PMEPA1: variants seen among roughly 807,000 people sequenced by gnomAD.
PMEPA1 encodes the protein prostate transmembrane protein, androgen induced 1.
A neutral mutation model predicts 23.0 loss-of-function variants in PMEPA1; 11 were observed. That is an observed-to-expected ratio of 0.48 (90% CI 0.30 to 0.79). The LOEUF (loss-of-function observed/expected upper bound fraction) is 0.79. Ranked by LOEUF, PMEPA1 falls within the 30% of genes least tolerant of loss-of-function variation. The pLI, the probability that PMEPA1 is intolerant of heterozygous loss-of-function variation, is 0.06. For missense variants in PMEPA1, 377 were observed against 390.9 expected, an observed-to-expected ratio of 0.96 and a Z score of 0.30; for synonymous variants, 204 against 166.4, an observed-to-expected ratio of 1.23 and a Z score of -1.74.
intron 1 of PMEPA1, among the ~76,000 whole-genome samples, chr20:57,667,391 C>A (rs761407256): frequency 2.6e-5 from 4 of 152,124 alleles, no homozygotes; most frequent in Admixed American, 6.5e-5. Context: ...CCCACGGGGG[C>A]ACTAGGCGGG....
At chr20:57,665,458 T>A (rs2071479199) in intron 1 of PMEPA1, among the ~76,000 whole-genome samples, 1 of 149,386 alleles carries the variant, frequency 6.7e-6, no homozygotes. Flanking sequence ...CCATTGTCTG[T>A]GTGATGCTGT....
At position 57,709,540 on chromosome 20, in the gene PMEPA1, C is replaced by T; in HGVS notation, c.43G>A (p.Ala15Thr). ...MGVNSTAAAA[A>T]GQPNVSCTCN... ...GTGCAGGAGACATTGGGCTGCCCGG[C>T]GGCGGCGGCGGCGGTGCTGTTGACC... is the stretch of plus-strand genomic sequence containing the variant. The change falls in exon 1 of 4, where the codon GCC becomes ACC. Residue 15 changes from alanine (A) to threonine (T), a missense_variant. This residue lies in a region of PMEPA1 where 198 missense variants were observed against 196.3 expected (regional missense o/e 1.01). Coordinates refer to ENST00000341744, the MANE Select transcript of PMEPA1 (RefSeq NM_020182.5). 1 of 1,096,638 alleles carries T rather than the reference C, an allele frequency of 9.1e-7. No individual in the cohort carries two copies. Among genetic ancestry groups the T allele is most frequent in the Non-Finnish European group, 1.1e-6 (1 of 882,914 alleles). 67.9% of individuals were successfully genotyped at this position (1,096,638 alleles called of 1,614,324 possible).
chr20:57,710,750 C>T, upstream of PMEPA1: 2 of 414,072 alleles, frequency 4.8e-6, no homozygotes, highest in Non-Finnish European at 8.5e-6. Context: ...GGGGTATGAG[C>T]AGGAGGGGTG....
chr20:57,661,271 G>C (rs1050580606), intron 1 of PMEPA1, among the ~76,000 whole-genome samples: 1 of 152,188 alleles, frequency 6.6e-6, no homozygotes, highest in African/African-American at 2.4e-5. Context: ...GGTCTGTGCC[G>C]AAGCGGCCTC....
At position 57,709,684 on chromosome 20, in the gene PMEPA1, C is replaced by A. The variant is rs2072142018; in HGVS notation, c.-102G>T. On this transcript the variant is annotated 5_prime_UTR_variant, in exon 1 of 4. Transcript: ENST00000341744. ...TGGGGCCCCGCATGCAGGAGGCGCG[C>A]GGCGGGGGAGGCGCGCCCCGGCTCG... 1.0e-6 allele frequency: 1 copy of A among 977,260 alleles called. No individual in the cohort carries two copies. 60.5% of individuals were successfully genotyped at this position (977,260 alleles called of 1,614,324 possible).
intron 1 of PMEPA1, among the ~76,000 whole-genome samples, chr20:57,664,138 C>T (rs1291591682): frequency 3.3e-5 from 5 of 152,178 alleles, no homozygotes; most frequent in African/African-American, 4.8e-5. Context: ...GCACGCGCAC[C>T]GACCGTCCCT....
intron 1 of PMEPA1, among the ~76,000 whole-genome samples, chr20:57,668,658 T>C (rs2146662118): frequency 6.6e-6 from 1 of 152,358 alleles, no homozygotes; most frequent in South Asian, 2.1e-4. Context: ...CTGGATATTT[T>C]CAGGTGTGAA....
upstream of PMEPA1, chr20:57,710,707 T>A (rs1242962242): frequency 2.2e-6 from 1 of 464,106 alleles, no homozygotes; most frequent in African/African-American, 2.0e-5. Context: ...CCAAGGGGCC[T>A]CCGGCTGGGG....
At chr20:57,675,922 T>A (rs1052580606) in intron 1 of PMEPA1, among the ~76,000 whole-genome samples, 1 of 152,162 alleles carries the variant, frequency 6.6e-6, no homozygotes, top group African/African-American at 2.4e-5. Context: ...AAAAACAGAT[T>A]CCAAGAAGGA....
chr20:57,710,241 G>A, upstream of PMEPA1: 1 of 563,564 alleles, frequency 1.8e-6, no homozygotes, highest in Non-Finnish European at 2.8e-6. Context: ...ACGGCGGTCA[G>A]CTTGGAACGC....
intron 1 of PMEPA1, chr20:57,700,156 T>G (rs1270414941): frequency 2.1e-6 from 1 of 471,522 alleles, no homozygotes; most frequent in African/African-American, 2.0e-5. Flanking sequence ...CTGATGCTGA[T>G]GCGACTTGCA....
At chr20:57,673,956 G>A (rs2071602920) in intron 1 of PMEPA1, among the ~76,000 whole-genome samples, 1 of 152,218 alleles carries the variant, frequency 6.6e-6, no homozygotes, top group Non-Finnish European at 1.5e-5. Flanking sequence ...GAGTTCCATA[G>A]TAAATGCCTC....
At chr20:57,686,012 G>A (rs1407259156) in intron 1 of PMEPA1, among the ~76,000 whole-genome samples, 1 of 152,172 alleles carries the variant, frequency 6.6e-6, no homozygotes, top group African/African-American at 2.4e-5. Context: ...CTGCAAGGGT[G>A]TGGCCCGGGG....
chr20:57,654,756 C>T (rs2071302827), intron 2 of PMEPA1, among the ~76,000 whole-genome samples: 1 of 152,182 alleles, frequency 6.6e-6, no homozygotes, highest in African/African-American at 2.4e-5. Context: ...GACAGTCCAT[C>T]TGCAGCCTGC....
chr20:57,700,099 C>A (rs373708974), intron 1 of PMEPA1: 1 of 471,380 alleles, frequency 2.1e-6, no homozygotes. Context: ...AGTGATGGAA[C>A]TGGCCCCTCC....
chr20:57,690,930 C>G (rs1433770169), intron 1 of PMEPA1, among the ~76,000 whole-genome samples: 1 of 152,190 alleles, frequency 6.6e-6, no homozygotes, highest in Non-Finnish European at 1.5e-5. Context: ...AACGCTGATG[C>G]CTCTACACCC....
chr20:57,654,890 C>T (rs1199687284), intron 2 of PMEPA1, among the ~76,000 whole-genome samples: 3 of 152,116 alleles, frequency 2.0e-5, no homozygotes, highest in African/African-American at 7.2e-5. Context: ...TCCACTCTTG[C>T]CCTTCCCCAG....
chr20:57,677,962 T>C (rs2071660842), intron 1 of PMEPA1, among the ~76,000 whole-genome samples: 1 of 152,128 alleles, frequency 6.6e-6, no homozygotes, highest in Non-Finnish European at 1.5e-5. Context: ...GGCTAGATAG[T>C]GTATGACTCC....
intron 2 of PMEPA1, among the ~76,000 whole-genome samples, chr20:57,654,531 G>C (rs6025706): frequency 6.6e-6 from 1 of 152,036 alleles, no homozygotes; most frequent in African/African-American, 2.4e-5. Context: ...TAACTGCCTC[G>C]TCTCCTGATT....
Sources: allele counts gnomAD v4.1 joint callset (sites outside exome capture counted in the v4.1 genomes callset), GRCh38; gene constraint gnomAD v4.1.1; regional missense constraint gnomAD v4.1.1; transcripts MANE v1.5; gene names NCBI Gene and HGNC (gene_info 2026-07-23, HGNC 2026-07-21).